The following ESRRG variants were observed in gnomAD, a reference collection of about 807,000 sequenced individuals.
ESRRG encodes estrogen-related receptor gamma.
In ESRRG, 13 loss-of-function variants were observed where a neutral mutation model predicts 44.0. That is an observed-to-expected ratio of 0.30 (90% CI 0.19 to 0.47). The LOEUF is 0.47. ESRRG is among the 20% of genes least tolerant of loss of function. The pLI, the probability that ESRRG is intolerant of heterozygous loss-of-function variation, is 1.00. For missense variants in ESRRG, 395 were observed against 580.6 expected (o/e 0.68, Z 3.29); for synonymous variants, 215 against 214.6 (o/e 1.00, Z -0.02).
At chr1:216,983,042 T>G (rs1442661494) in intron 1 of ESRRG, among the ~76,000 whole-genome samples, 2 of 151,716 alleles carry the variant, frequency 1.3e-5, no homozygotes, top group Non-Finnish European at 2.9e-5. Flanking sequence ...TTTTTTTTTT[T>G]TTTTTTTTTT....
At chr1:216,932,042 A>G (rs2063427406) in intron 2 of ESRRG, among the ~76,000 whole-genome samples, 1 of 152,052 alleles carries the variant, frequency 6.6e-6, no homozygotes, top group Non-Finnish European at 1.5e-5. Flanking sequence ...GGTCTCTACT[A>G]AAAATATAAA....
chr1:216,976,286 ATGTGTGTGTGTGTGTGTG>A (rs61142800), intron 1 of ESRRG, among the ~76,000 whole-genome samples: 9 of 146,868 alleles, frequency 6.1e-5, no homozygotes, highest in African/African-American at 2.0e-4. Context: ...ATGCTCCTAA[ATGTGTGTGTGTGTGTGTG>A]TGTGTGTGTG....
intron 2 of ESRRG, among the ~76,000 whole-genome samples, chr1:216,800,546 C>A (rs2094584314): frequency 6.6e-6 from 1 of 152,152 alleles, no homozygotes; most frequent in South Asian, 2.1e-4. Context: ...ATAATGATGT[C>A]ATAATATACA....
At chr1:216,712,734 A>G (rs2151982927) in intron 1 of ESRRG, among the ~76,000 whole-genome samples, 1 of 152,348 alleles carries the variant, frequency 6.6e-6, no homozygotes, top group East Asian at 1.9e-4. Context: ...TACAATTGAC[A>G]TCTTCATAAA....
At chr1:216,622,953 T>C (rs1034386101) in intron 3 of ESRRG, among the ~76,000 whole-genome samples, 2 of 152,146 alleles carry the variant, frequency 1.3e-5, no homozygotes, top group Admixed American at 6.6e-5. Flanking sequence ...ACAGTTCTTA[T>C]AGAAGATATC....
In ESRRG at chr1:216,841,248, G is replaced by A. The variant is rs540065710; in HGVS notation, c.-14+98334C>T. ...GAGAAGCATCAGCACAGAGGAGAGA[G>A]AGAGAAACACGCACACTCAGGGTAG... is the stretch of plus-strand genomic sequence containing the variant. On this transcript the variant is annotated intron_variant, in intron 2 of 7. Coordinates refer to the ESRRG transcript ENST00000359162. 5.7e-4 allele frequency among the ~76,000 whole-genome samples: 87 copies of A among 152,116 alleles called. 1 individual carries two copies. Among genetic ancestry groups the A allele is most frequent in the Non-Finnish European group, 1.2e-3 (81 of 67,998 alleles).
At chr1:216,761,012 T>C (rs529302411) in intron 2 of ESRRG, among the ~76,000 whole-genome samples, 2 of 152,084 alleles carry the variant, frequency 1.3e-5, no homozygotes, top group Admixed American at 1.3e-4. Context: ...ATCGGCTCCA[T>C]CTAGCAGCCC....
chr1:217,122,026 T>C (rs1246608968), intron 1 of ESRRG, among the ~76,000 whole-genome samples: 15 of 152,190 alleles, frequency 9.9e-5, no homozygotes. Context: ...ACTATGCAAA[T>C]GACACAACAC....
intron 2 of ESRRG, among the ~76,000 whole-genome samples, chr1:216,760,453 G>A (rs1374721345): frequency 1.3e-5 from 2 of 151,758 alleles, no homozygotes; most frequent in African/African-American, 4.8e-5. Flanking sequence ...AATCCAAATT[G>A]AAAACCCAGT....
intron 2 of ESRRG, among the ~76,000 whole-genome samples, chr1:216,729,548 T>C (rs1212471728): frequency 1.3e-5 from 2 of 152,180 alleles, no homozygotes; most frequent in Non-Finnish European, 2.9e-5. Flanking sequence ...TACTGCCACA[T>C]ATACATTGGC....
intron 2 of ESRRG, among the ~76,000 whole-genome samples, chr1:216,922,750 A>G (rs2061998156): frequency 6.6e-6 from 1 of 152,198 alleles, no homozygotes; most frequent in South Asian, 2.1e-4. Flanking sequence ...CTAATGAACC[A>G]CAACTGCAAC....
chr1:216,536,003 C>T lies in ESRRG; in HGVS notation c.863-16582G>A, dbSNP rs114839615. On this transcript the variant is annotated intron_variant, in intron 5 of 6. Coordinates refer to ENST00000408911, the MANE Select transcript of ESRRG (RefSeq NM_001438.4). ...CCCCATCCCATGGCCTGTTCAGATCCGATTTGATCTCTCTGGACTATTTTG... is the reference window on the plus strand; with the variant it reads ...CCCCATCCCATGGCCTGTTCAGATCTGATTTGATCTCTCTGGACTATTTTG... Among the ~76,000 whole-genome samples the T allele has an allele frequency of 6.8e-3, 1,032 of 152,220 alleles. 5 individuals carry two copies. Among genetic ancestry groups the T allele is most frequent in the African/African-American group, 0.023 (976 of 41,558 alleles).
chr1:216,932,525 T>C (rs2063503643), intron 2 of ESRRG, among the ~76,000 whole-genome samples: 1 of 151,864 alleles, frequency 6.6e-6, no homozygotes, highest in Non-Finnish European at 1.5e-5. Flanking sequence ...CGCACAATTT[T>C]GGTAGGGGTG....
At chr1:216,710,731 G>T (rs2083421975) in intron 1 of ESRRG, among the ~76,000 whole-genome samples, 1 of 152,114 alleles carries the variant, frequency 6.6e-6, no homozygotes, top group Non-Finnish European at 1.5e-5. Context: ...CCATGGTGTG[G>T]CCAGGACAGT....
chr1:216,920,113 C>T (rs896333900), intron 2 of ESRRG, among the ~76,000 whole-genome samples: 1 of 152,086 alleles, frequency 6.6e-6, no homozygotes, highest in African/African-American at 2.4e-5. Flanking sequence ...ACAGAAAATA[C>T]AAGGTTGAAA....
intron 3 of ESRRG, among the ~76,000 whole-genome samples, chr1:216,630,996 T>A (rs1203921813): frequency 6.6e-6 from 1 of 152,002 alleles, no homozygotes; most frequent in African/African-American, 2.4e-5. Context: ...TATACATAAA[T>A]TTAGATTTGT....
At chr1:216,618,446 A>G (rs888455931) in intron 3 of ESRRG, among the ~76,000 whole-genome samples, 7 of 152,196 alleles carry the variant, frequency 4.6e-5, no homozygotes, top group African/African-American at 1.7e-4. Flanking sequence ...CCTTAGCCTC[A>G]TTTGGTACCA....
chr1:216,924,783 T>C (rs1258575604), intron 2 of ESRRG, among the ~76,000 whole-genome samples: 1 of 152,138 alleles, frequency 6.6e-6, no homozygotes, highest in Non-Finnish European at 1.5e-5. Flanking sequence ...AAATGTGACT[T>C]GGGCAAACAG....
intron 1 of ESRRG, among the ~76,000 whole-genome samples, chr1:216,699,571 C>A (rs914997156): frequency 3.3e-4 from 50 of 152,030 alleles, no homozygotes; most frequent in Non-Finnish European, 7.4e-5. Flanking sequence ...GTGGCTCATT[C>A]CAATGGACAA....
Sources: gnomAD v4.1 joint callset for allele counts (sites outside exome capture counted in the v4.1 genomes callset) on GRCh38, gnomAD v4.1.1 for gene constraint, MANE v1.5 for transcripts, NCBI Gene and HGNC (gene_info 2026-07-23, HGNC 2026-07-21) for gene names.